HECW2: variants seen among roughly 807,000 people sequenced by gnomAD.
The protein encoded by HECW2 is E3 ubiquitin-protein ligase HECW2.
A neutral mutation model predicts 175.2 loss-of-function variants in HECW2; 61 were observed. The ratio of observed to expected loss-of-function variants is 0.35; its 90% CI spans 0.28 to 0.43. The LOEUF (loss-of-function observed/expected upper bound fraction) is 0.43. Among genes scored for constraint, HECW2 ranks in the 20% least tolerant of loss-of-function variants. HECW2 has a pLI of 1.00. For missense variants in HECW2, 1,524 were observed against 2,000.5 expected (o/e 0.76, Z 4.54); for synonymous variants, 671 against 731.0 (o/e 0.92, Z 1.32).
intron 2 of HECW2, among the ~76,000 whole-genome samples, chr2:196,395,391 A>T (rs6754939): frequency 0.18 from 27,771 of 152,114 alleles, 3,424 homozygotes; most frequent in African/African-American, 0.35. Context: ...ACTCTTGTAC[A>T]TCAAAAAACA....
chr2:196,207,608 AT>A (rs1243314198), intron 28 of HECW2, among the ~76,000 whole-genome samples: 1 of 152,154 alleles, frequency 6.6e-6, no homozygotes, highest in Non-Finnish European at 1.5e-5. Context: ...CCAACTACTC[AT>A]TGGTCATGTT....
intron 1 of HECW2, among the ~76,000 whole-genome samples, chr2:196,568,025 T>C (rs977200624): frequency 1.3e-5 from 2 of 152,192 alleles, no homozygotes; most frequent in Non-Finnish European, 2.9e-5. Flanking sequence ...ATAAATATAA[T>C]ATTTCAAACA....
chr2:196,391,636 T>G (rs1694513674), intron 2 of HECW2, among the ~76,000 whole-genome samples: 1 of 152,214 alleles, frequency 6.6e-6, no homozygotes, highest in Non-Finnish European at 1.5e-5. Flanking sequence ...TCTTTGGAAT[T>G]AGATTAAGGA....
At chr2:196,276,295 C>T (rs1689954094) in intron 15 of HECW2, among the ~76,000 whole-genome samples, 1 of 152,144 alleles carries the variant, frequency 6.6e-6, no homozygotes, top group South Asian at 2.1e-4. Flanking sequence ...TCTGTATGGA[C>T]TTATCTCTGG....
chr2:196,386,935 T>G (rs35832171), intron 2 of HECW2, among the ~76,000 whole-genome samples: 34,754 of 152,058 alleles, frequency 0.23, 4,687 homozygotes, highest in African/African-American at 0.38. Flanking sequence ...ATAAGCCTTG[T>G]TATAGCTTAT....
chr2:196,291,151 G>A (rs1690588945), intron 14 of HECW2: 2 of 152,018 alleles, frequency 1.3e-5, no homozygotes, highest in African/African-American at 2.4e-5. Context: ...CTGCTAGAGG[G>A]AACTTTGGGG....
chr2:196,289,930 C>T (rs544682810), intron 14 of HECW2: 2 of 152,206 alleles, frequency 1.3e-5, no homozygotes, highest in African/African-American at 2.4e-5. Flanking sequence ...ATGGGAGAAT[C>T]GCATGGAGAT....
At chr2:196,493,420 A>G (rs564991207) in intron 1 of HECW2, 75 of 152,302 alleles carry the variant, frequency 4.9e-4, no homozygotes, top group African/African-American at 1.8e-3. Context: ...ATTAGATGAC[A>G]TAAACAGAAA....
At chr2:196,345,294 TG>T (rs2105836171) in intron 2 of HECW2, among the ~76,000 whole-genome samples, 1 of 152,340 alleles carries the variant, frequency 6.6e-6, no homozygotes, top group African/African-American at 2.4e-5. Flanking sequence ...CCCTGCTTGC[TG>T]CATAACCACT....
intron 1 of HECW2, among the ~76,000 whole-genome samples, chr2:196,575,654 A>C (rs897117629): frequency 9.2e-5 from 14 of 152,208 alleles, no homozygotes; most frequent in African/African-American, 3.4e-4. Context: ...TCGCATTGCT[A>C]TAAAGGAATA....
intron 1 of HECW2, among the ~76,000 whole-genome samples, chr2:196,492,974 CT>C: frequency 6.6e-6 from 1 of 152,282 alleles, no homozygotes; most frequent in African/African-American, 2.4e-5. Context: ...GACAAAAACA[CT>C]GCTGTAAAGT....
chr2:196,233,551 AC>A (rs1219284114), intron 21 of HECW2, among the ~76,000 whole-genome samples: 5 of 152,164 alleles, frequency 3.3e-5, no homozygotes, highest in African/African-American at 1.2e-4. Flanking sequence ...TGGCCTACAC[AC>A]CTTCTGATTC....
chr2:196,436,626 C>T (rs552816252), intron 1 of HECW2, among the ~76,000 whole-genome samples: 2 of 151,980 alleles, frequency 1.3e-5, no homozygotes, highest in African/African-American at 4.8e-5. Flanking sequence ...AGTGAAAGAA[C>T]AAAAAGAGCT....
chr2:196,295,409 T>C (rs1229086090), intron 13 of HECW2, among the ~76,000 whole-genome samples: 1 of 148,494 alleles, frequency 6.7e-6, no homozygotes, highest in African/African-American at 2.6e-5. Context: ...GTGTTGCTGA[T>C]ATATTTTCAC....
At chr2:196,212,084 G>T (rs186590873) in intron 28 of HECW2, among the ~76,000 whole-genome samples, 1 of 152,108 alleles carries the variant, frequency 6.6e-6, no homozygotes, top group East Asian at 1.9e-4. Flanking sequence ...CAATCCGTCC[G>T]CCTTGGCCTC....
chr2:196,258,533 A>G (rs1256641524), intron 17 of HECW2, among the ~76,000 whole-genome samples: 1 of 152,258 alleles, frequency 6.6e-6, no homozygotes, highest in Non-Finnish European at 1.5e-5. Flanking sequence ...ATACATATAC[A>G]TATCAAACAC....
chr2:196,210,060 G>A (rs535740340), intron 28 of HECW2, among the ~76,000 whole-genome samples: 13 of 152,184 alleles, frequency 8.5e-5, no homozygotes, highest in Admixed American at 2.0e-4. Flanking sequence ...ACTGTGCCCA[G>A]CCTGGTTTTT....
chr2:196,303,854 CT>C (rs1006493705), intron 13 of HECW2, among the ~76,000 whole-genome samples: 18 of 152,036 alleles, frequency 1.2e-4, no homozygotes, highest in African/African-American at 3.6e-4. Context: ...CTTTTTTCTC[CT>C]ATCCCATATT....
At chr2:196,211,679 C>CAAT (rs1687291321) in intron 28 of HECW2, among the ~76,000 whole-genome samples, 1 of 152,132 alleles carries the variant, frequency 6.6e-6, no homozygotes, top group Non-Finnish European at 1.5e-5. Flanking sequence ...CATTTGCCTG[C>CAAT]TTGAAAATTG....
Sources: gnomAD v4.1 joint callset for allele counts (sites outside exome capture counted in the v4.1 genomes callset) on GRCh38, gnomAD v4.1.1 for gene constraint, MANE v1.5 for transcripts, NCBI Gene and HGNC (gene_info 2026-07-23, HGNC 2026-07-21) for gene names.